The following NRXN1 variants were observed in gnomAD, a reference collection of about 807,000 sequenced individuals.
The protein encoded by NRXN1 is neurexin-1.
NRXN1 carries 39 observed loss-of-function variants against 150.9 expected under a neutral mutation model. That is an observed-to-expected ratio of 0.26 (90% CI 0.20 to 0.34). The LOEUF is 0.34. NRXN1 is among the 10% of genes least tolerant of loss of function. The probability of loss-of-function intolerance (pLI) is 1.00; values close to 1 mark genes in which losing one functional copy is unlikely to be tolerated. For synonymous variants in NRXN1, 924 were observed against 757.0 expected (o/e 1.22, Z -3.62); for missense variants, 1,815 against 1,949.9 (o/e 0.93, Z 1.30).
chr2:51,028,120 T>C lies in NRXN1; in HGVS notation c.154A>G (p.Ser52Gly). 3 of 1,572,718 alleles carry C rather than the reference T, an allele frequency of 1.9e-6. No individual in the cohort carries two copies. Among genetic ancestry groups the C allele is most frequent in the Non-Finnish European group, 2.6e-6 (3 of 1,162,036 alleles). ...GTCTTGAGCTGGAAGCTCATCTCGC[T>C]CTCGCAGCAGGCGTTCCACTTGGGG... ...RFPKWNACCE[S>G]EMSFQLKTRS... The change falls in exon 2 of 23, where the codon AGC becomes GGC. Residue 52 changes from serine (S) to glycine (G), a missense_variant. Around this residue, in one of 6 missense-constraint regions of NRXN1, gnomAD observed 554 missense variants for 478.8 expected, o/e 1.16. Transcript: ENST00000401669.
intron 8 of NRXN1, among the ~76,000 whole-genome samples, chr2:50,566,046 G>A (rs1187519732): frequency 3.3e-5 from 5 of 152,258 alleles, no homozygotes; most frequent in South Asian, 2.1e-4. Flanking sequence ...TTAGCACAGC[G>A]ATGCTGACCC....
At chr2:50,118,747 G>A (rs895421846) in intron 18 of NRXN1, among the ~76,000 whole-genome samples, 1 of 152,168 alleles carries the variant, frequency 6.6e-6, no homozygotes, top group African/African-American at 2.4e-5. Flanking sequence ...AGTGGCAATT[G>A]AAGCAGTCAG....
At chr2:51,014,726 A>G (rs2105223824) in intron 2 of NRXN1, among the ~76,000 whole-genome samples, 1 of 152,138 alleles carries the variant, frequency 6.6e-6, no homozygotes, top group East Asian at 1.9e-4. Context: ...AATTGGGGAA[A>G]ATTTTAAAAA....
chr2:50,885,121 T>C (rs1232256065), intron 5 of NRXN1, among the ~76,000 whole-genome samples: 4 of 151,582 alleles, frequency 2.6e-5, no homozygotes, highest in African/African-American at 4.8e-5. Flanking sequence ...TCTGTAACTA[T>C]AGCAACCTTG....
At chr2:50,544,604 G>T (rs1411878602) in intron 9 of NRXN1, among the ~76,000 whole-genome samples, 1 of 152,000 alleles carries the variant, frequency 6.6e-6, no homozygotes, top group Non-Finnish European at 1.5e-5. Flanking sequence ...AATAATGTCT[G>T]GTATTGGCAA....
chr2:50,227,956 G>C (rs985449902), intron 18 of NRXN1, among the ~76,000 whole-genome samples: 1 of 152,032 alleles, frequency 6.6e-6, no homozygotes, highest in Non-Finnish European at 1.5e-5. Flanking sequence ...AGAATAACTT[G>C]AGTATGTGAA....
intron 21 of NRXN1, among the ~76,000 whole-genome samples, chr2:50,033,812 A>C (rs1200227817): frequency 1.3e-5 from 2 of 151,954 alleles, no homozygotes; most frequent in Non-Finnish European, 2.9e-5. Flanking sequence ...AAAAGTGGGC[A>C]AAAGGACATG....
chr2:50,650,317 C>T (rs1685425517), intron 5 of NRXN1, among the ~76,000 whole-genome samples: 1 of 152,024 alleles, frequency 6.6e-6, no homozygotes, highest in African/African-American at 2.4e-5. Flanking sequence ...TATATGACTC[C>T]TGACATTGTG....
At chr2:50,180,409 T>C (rs886597355) in intron 18 of NRXN1, among the ~76,000 whole-genome samples, 5 of 152,130 alleles carry the variant, frequency 3.3e-5, no homozygotes, top group African/African-American at 9.7e-5. Context: ...TTCCAGCATG[T>C]ATAATCCCCT....
chr2:50,736,554 C>T (rs1020906771), intron 5 of NRXN1, among the ~76,000 whole-genome samples: 3 of 152,180 alleles, frequency 2.0e-5, no homozygotes, highest in South Asian at 4.2e-4. Flanking sequence ...AATTGAATCA[C>T]GAGGGCGGTT....
chr2:50,134,404 ACCAAATAAAATTT>A (rs1706064000), intron 18 of NRXN1, among the ~76,000 whole-genome samples: 1 of 152,164 alleles, frequency 6.6e-6, no homozygotes, highest in South Asian at 2.1e-4. Flanking sequence ...GTGGTGGATA[ACCAAATAAAATTT>A]CCTTGTACAG....
chr2:50,883,636 G>C lies in NRXN1; in HGVS notation c.832+38233C>G, dbSNP rs142552958. Among the ~76,000 whole-genome samples, 541 of 151,622 alleles carry C rather than the reference G, an allele frequency of 3.6e-3. 4 individuals carry two copies. Among genetic ancestry groups the C allele is most frequent in the African/African-American group, 0.012 (509 of 41,420 alleles). ...AAAACTTGTTTCTTGGGACACTATA[G>C]GACTTACATAAAGTATATTATGTGT... On this transcript the variant is annotated intron_variant, in intron 5 of 22. Coordinates refer to ENST00000401669, the MANE Select transcript of NRXN1 (RefSeq NM_001330078.2).
intron 5 of NRXN1, among the ~76,000 whole-genome samples, chr2:50,804,793 C>T (rs17568979): frequency 6.6e-6 from 1 of 152,168 alleles, no homozygotes; most frequent in East Asian, 1.9e-4. Flanking sequence ...TGCAGCTATG[C>T]TATTTCTTAA....
At chr2:50,369,182 AAG>A (rs1207740409) in intron 17 of NRXN1, among the ~76,000 whole-genome samples, 1 of 151,894 alleles carries the variant, frequency 6.6e-6, no homozygotes, top group Non-Finnish European at 1.5e-5. Flanking sequence ...AGCTCAGAGA[AAG>A]AGGTGAGTGG....
intron 5 of NRXN1, among the ~76,000 whole-genome samples, chr2:50,627,770 G>A (rs937333882): frequency 6.6e-6 from 1 of 151,618 alleles, no homozygotes; most frequent in Non-Finnish European, 1.5e-5. Flanking sequence ...TTAAGAAAGC[G>A]AGGCTCATGG....
intron 5 of NRXN1, among the ~76,000 whole-genome samples, chr2:50,746,896 G>T (rs954994550): frequency 1.3e-5 from 2 of 152,102 alleles, no homozygotes; most frequent in Non-Finnish European, 2.9e-5. Flanking sequence ...AATGCTCTGG[G>T]TTGGAAGCAA....
At chr2:50,407,759 G>A (rs1045621429) in intron 17 of NRXN1, among the ~76,000 whole-genome samples, 1 of 152,046 alleles carries the variant, frequency 6.6e-6, no homozygotes, top group Non-Finnish European at 1.5e-5. Context: ...CAGCAAAAAG[G>A]CCCTCACCAG....
intron 18 of NRXN1, among the ~76,000 whole-genome samples, chr2:50,164,817 C>T (rs1162798984): frequency 6.6e-6 from 1 of 152,116 alleles, no homozygotes; most frequent in African/African-American, 2.4e-5. Flanking sequence ...CGTTCTCCGT[C>T]AAAACACCCA....
intron 5 of NRXN1, among the ~76,000 whole-genome samples, chr2:50,765,021 AG>A (rs903614163): frequency 1.3e-5 from 2 of 152,054 alleles, no homozygotes; most frequent in African/African-American, 2.4e-5. Flanking sequence ...CTGAACGCTT[AG>A]TACTTTCTGC....
Sources: allele counts gnomAD v4.1 joint callset (sites outside exome capture counted in the v4.1 genomes callset), GRCh38; gene constraint gnomAD v4.1.1; regional missense constraint gnomAD v4.1.1; transcripts MANE v1.5; gene names NCBI Gene and HGNC (gene_info 2026-07-23, HGNC 2026-07-21).